Variants in GLIS3 observed in about 807,000 individuals in gnomAD.
GLIS3 encodes the protein GLIS family zinc finger 3.
GLIS3 carries 53 observed loss-of-function variants against 78.6 expected under a neutral mutation model. The ratio of observed to expected loss-of-function variants is 0.67; its 90% CI spans 0.54 to 0.85. The LOEUF is 0.85. GLIS3 is among the 40% of genes least tolerant of loss of function. GLIS3 has a pLI of 0.00. For synonymous variants in GLIS3, 684 were observed against 509.9 expected (o/e 1.34, Z -4.60); for missense variants, 1,703 against 1,231.1 (o/e 1.38, Z -5.74).
chr9:4,479,843 G>C, the GLIS3 span, among the ~76,000 whole-genome samples: 3 of 150,872 alleles, frequency 2.0e-5, no homozygotes, highest in African/African-American at 7.3e-5. Flanking sequence ...GACCACCATC[G>C]CTTCTCCTGT....
chr9:4,315,984 G>A (rs994181262), intron 2 of GLIS3, among the ~76,000 whole-genome samples: 1 of 152,162 alleles, frequency 6.6e-6, no homozygotes, highest in Non-Finnish European at 1.5e-5. Flanking sequence ...AAAGGAAGCA[G>A]GATATTACAT....
intron 2 of GLIS3, among the ~76,000 whole-genome samples, chr9:4,268,188 G>T (rs1330248394): frequency 6.6e-6 from 1 of 151,956 alleles, no homozygotes; most frequent in Non-Finnish European, 1.5e-5. Flanking sequence ...AAATTACTCA[G>T]TTACACCTTA....
chr9:3,864,766 A>G (rs1291313273), intron 8 of GLIS3, among the ~76,000 whole-genome samples: 1 of 152,234 alleles, frequency 6.6e-6, no homozygotes, highest in African/African-American at 2.4e-5. Context: ...GAAACAGCAT[A>G]TATTTTAAAA....
At chr9:4,029,925 A>G (rs1037585696) in intron 4 of GLIS3, among the ~76,000 whole-genome samples, 1 of 152,178 alleles carries the variant, frequency 6.6e-6, no homozygotes, top group African/African-American at 2.4e-5. Context: ...ATATCTCTTC[A>G]ATATACTGAT....
At chr9:4,425,952 A>G in the GLIS3 span, among the ~76,000 whole-genome samples, 1 of 152,220 alleles carries the variant, frequency 6.6e-6, no homozygotes, top group Non-Finnish European at 1.5e-5. Context: ...CTCTGTGCTC[A>G]GAACAGTGGT....
chr9:4,269,547 A>T (rs1826318930), intron 2 of GLIS3, among the ~76,000 whole-genome samples: 1 of 152,152 alleles, frequency 6.6e-6, no homozygotes, highest in South Asian at 2.1e-4. Flanking sequence ...TACTTAAATC[A>T]TCAGAATTTT....
intron 2 of GLIS3, among the ~76,000 whole-genome samples, chr9:4,279,290 T>C (rs1274618489): frequency 7.4e-5 from 4 of 54,372 alleles, no homozygotes; most frequent in Admixed American, 3.3e-4. Context: ...AGAGCAAGAC[T>C]CCATCTCAAA....
chr9:4,383,899 G>C, the GLIS3 span, among the ~76,000 whole-genome samples: 1 of 152,270 alleles, frequency 6.6e-6, no homozygotes, highest in Admixed American at 6.5e-5. Flanking sequence ...CTAGAATAAA[G>C]GCCTTTGTTA....
intron 8 of GLIS3, among the ~76,000 whole-genome samples, chr9:3,874,416 C>T (rs1821167671): frequency 6.6e-6 from 1 of 152,174 alleles, no homozygotes; most frequent in African/African-American, 2.4e-5. Flanking sequence ...TCATTGGTAT[C>T]CTTTATAATG....
intron 2 of GLIS3, among the ~76,000 whole-genome samples, chr9:4,188,544 T>C (rs1818021431): frequency 1.3e-5 from 2 of 151,998 alleles, no homozygotes; most frequent in South Asian, 2.1e-4. Flanking sequence ...TCTTTTTCTA[T>C]TGATTGGAAT....
chr9:4,272,649 T>A (rs1172919739), intron 2 of GLIS3, among the ~76,000 whole-genome samples: 2 of 152,248 alleles, frequency 1.3e-5, no homozygotes, highest in Non-Finnish European at 2.9e-5. Flanking sequence ...TTTTCAACTC[T>A]AGAATAACCA....
At chr9:3,934,357 T>A (rs187926716) in intron 5 of GLIS3, among the ~76,000 whole-genome samples, 48 of 152,234 alleles carry the variant, frequency 3.2e-4, no homozygotes, top group Admixed American at 2.7e-3. Context: ...ATTGATGCCA[T>A]TATTATTACC....
chr9:4,258,324 C>CAT (rs1554639433), intron 2 of GLIS3, among the ~76,000 whole-genome samples: 1 of 110,538 alleles, frequency 9.0e-6, no homozygotes, highest in East Asian at 2.0e-4. Context: ...TTTACAGTAA[C>CAT]ATATATATAC....
At chr9:3,953,805 A>C (rs879387968) in intron 4 of GLIS3, among the ~76,000 whole-genome samples, 2,188 of 64,704 alleles carry the variant, frequency 0.034, 24 homozygotes, top group Non-Finnish European at 0.051. Context: ...CTATATATAT[A>C]TATATATATA....
chr9:4,236,258 CT>C (rs1470311671), intron 2 of GLIS3, among the ~76,000 whole-genome samples: 11 of 149,674 alleles, frequency 7.3e-5, no homozygotes, highest in Admixed American at 7.3e-4. Context: ...GAGGGGAAAC[CT>C]TTGTTCTGAA....
At chr9:4,316,654 T>C (rs1482251500) in intron 2 of GLIS3, among the ~76,000 whole-genome samples, 1 of 152,106 alleles carries the variant, frequency 6.6e-6, no homozygotes, top group Non-Finnish European at 1.5e-5. Flanking sequence ...AGCGTAGGCA[T>C]GTGTGTGAGT....
chr9:4,016,437 A>G (rs1291960050), intron 4 of GLIS3, among the ~76,000 whole-genome samples: 2 of 152,232 alleles, frequency 1.3e-5, no homozygotes, highest in African/African-American at 2.4e-5. Flanking sequence ...TAAGTAAATA[A>G]GAAGAATTAT....
At chr9:4,108,572 G>A (rs187520427) in intron 4 of GLIS3, among the ~76,000 whole-genome samples, 12 of 152,104 alleles carry the variant, frequency 7.9e-5, no homozygotes. Context: ...TGCTTTTCTG[G>A]GCAATTTTCA....
chr9:4,218,528 T>C (rs773351969), intron 2 of GLIS3, among the ~76,000 whole-genome samples: 1 of 152,212 alleles, frequency 6.6e-6, no homozygotes. Flanking sequence ...TCTGCCTGCC[T>C]TGGCCTCCCA....
Sources: gnomAD v4.1 joint callset for allele counts (sites outside exome capture counted in the v4.1 genomes callset) on GRCh38, gnomAD v4.1.1 for gene constraint, MANE v1.5 for transcripts, NCBI Gene and HGNC (gene_info 2026-07-23, HGNC 2026-07-21) for gene names.